NRXN2: variants seen among roughly 807,000 people sequenced by gnomAD.
NRXN2 encodes the protein neurexin-2-beta.
NRXN2 carries 29 observed loss-of-function variants against 128.8 expected under a neutral mutation model. That is an observed-to-expected ratio of 0.23 (90% CI 0.17 to 0.31). NRXN2 has a LOEUF of 0.31. Among genes scored for constraint, NRXN2 ranks in the 10% least tolerant of loss-of-function variants. The pLI, the probability that NRXN2 is intolerant of heterozygous loss-of-function variation, is 1.00. For missense variants in NRXN2, 1,881 were observed against 2,452.6 expected, an observed-to-expected ratio of 0.77 and a Z score of 4.92; for synonymous variants, 1,098 against 1,075.2, an observed-to-expected ratio of 1.02 and a Z score of -0.41.
intron 21 of NRXN2, among the ~76,000 whole-genome samples, chr11:64,621,035 A>C (rs900624783): frequency 6.6e-6 from 1 of 152,042 alleles, no homozygotes; most frequent in Non-Finnish European, 1.5e-5. Context: ...GAGGGAAATC[A>C]AAAGTCCAGG....
At chr11:64,681,420 T>A (rs1230866053) in intron 6 of NRXN2, among the ~76,000 whole-genome samples, 1 of 152,032 alleles carries the variant, frequency 6.6e-6, no homozygotes, top group South Asian at 2.1e-4. Context: ...ACGGCTCAAA[T>A]ACACGTTTCC....
rs2047054955 is a variant in NRXN2, at chr11:64,648,664, CG to C, written c.3283+69del. On this transcript the variant is annotated intron_variant, in intron 16 of 22. Transcript: ENST00000265459. This position sits in a 1 kb window ranked among gnomAD's most constrained non-coding sequence, Gnocchi z 4.1. ...TTGGCAGAGCAAAGGCTACCTGCCC[CG>C]GTCTGCCTCTGCAGCTGGCCATCCT... The C allele has an allele frequency of 1.3e-6, 2 of 1,592,346 alleles. No homozygotes were observed. Among genetic ancestry groups the C allele is most frequent in the Non-Finnish European group, 8.6e-7 (1 of 1,162,088 alleles).
intron 1 of NRXN2, among the ~76,000 whole-genome samples, chr11:64,719,153 G>T (rs187157326): frequency 6.6e-6 from 1 of 151,912 alleles, no homozygotes; most frequent in African/African-American, 2.4e-5. Context: ...TTCTCATCTC[G>T]GCCTTTTACA....
rs1344255535 is a variant in NRXN2, at chr11:64,712,954, G to A, written c.730+16C>T. ...CCCCGCGCCCAGGCACCGGGCGGCC[G>A]CTCCCCGGGGCTCACCTTCGCTGCA... is the stretch of plus-strand genomic sequence containing the variant. On this transcript the variant is annotated intron_variant, in intron 2 of 22. Transcript: ENST00000265459. 1 of 1,500,724 alleles carries A rather than the reference G, an allele frequency of 6.7e-7. No homozygotes were observed. The highest frequency in any genetic ancestry group is 8.9e-7 in the Non-Finnish European group (1 of 1,129,484). 93.0% of individuals were successfully genotyped at this position (1,500,724 alleles called of 1,614,324 possible). A position where few individuals can be genotyped will look rare whatever the true frequency, so the allele number is the denominator to read the frequency against.
At chr11:64,661,955 GA>G (rs1206941655) in intron 9 of NRXN2, among the ~76,000 whole-genome samples, 1 of 152,096 alleles carries the variant, frequency 6.6e-6, no homozygotes, top group Non-Finnish European at 1.5e-5. Flanking sequence ...GAGTTCTTCA[GA>G]AGTAGAGGGT....
In NRXN2 at chr11:64,660,759, C is replaced by T. The variant is rs1203983258; in HGVS notation, c.2179G>A (p.Glu727Lys). Reference sequence around the variant, plus strand: ...GGATGAAGACCAGCCTCACCTCTCTCACAGACCCGCCCAAGAAAGCCGGTC... The same window carrying T: ...GGATGAAGACCAGCCTCACCTCTCTTACAGACCCGCCCAAGAAAGCCGGTC... Reference protein sequence around the residue: ...IGTGFLGRVCEREATVLSYDG... With the variant: ...IGTGFLGRVCKREATVLSYDG... The change falls in exon 10 of 23, where the codon GAG becomes AAG. Residue 727 changes from glutamate to lysine, a missense_variant. By Grantham distance (56) the Glu-to-Lys change is moderately conservative (BLOSUM62 1). Around this residue, in one of 7 missense-constraint regions of NRXN2, gnomAD observed 997 missense variants for 1,240.8 expected, o/e 0.80. Coordinates refer to ENST00000265459, the MANE Select transcript of NRXN2 (RefSeq NM_015080.4). This position sits in a 1 kb window ranked among gnomAD's most constrained non-coding sequence, Gnocchi z 5.2. 1 of 1,611,576 alleles carries T rather than the reference C, an allele frequency of 6.2e-7. No homozygotes were observed. The highest frequency in any genetic ancestry group is 8.5e-7 in the Non-Finnish European group (1 of 1,180,018).
At chr11:64,715,301 C>T (rs149174328) in intron 1 of NRXN2, among the ~76,000 whole-genome samples, 1 of 152,268 alleles carries the variant, frequency 6.6e-6, no homozygotes, top group Non-Finnish European at 1.5e-5. Flanking sequence ...GGGACTTGCC[C>T]AAGGTCACAC....
rs1278513123 is a variant in NRXN2 at position 64,620,641 on chromosome 11, C to T, written c.4174-269G>A. The stretch of plus-strand genomic sequence containing the variant: ...AGCACACATGGTGCTTTTTATTTCT[C>T]GGAAGTGAGGAGAGTGGACGCCAGA... On this transcript the variant is annotated intron_variant, in intron 21 of 22. Transcript: ENST00000265459. Among the ~76,000 whole-genome samples, 4 of 150,630 alleles carry T rather than the reference C, an allele frequency of 2.7e-5. No homozygotes were observed. In the East Asian group the frequency reaches 5.9e-4, roughly 22 times the overall value.
Position 64,648,691 on chromosome 11 carries a change from G to A in NRXN2, c.3283+43C>T. 1.9e-6 allele frequency: 3 copies of A among 1,610,922 alleles called. No homozygotes were observed. Among genetic ancestry groups the A allele is most frequent in the Non-Finnish European group, 2.5e-6 (3 of 1,178,708 alleles). Reference sequence around the variant, plus strand: ...GTCTGCCTCTGCAGCTGGCCATCCTGTAGCCAGTAGGGCCACACCTCACTC... The same window carrying A: ...GTCTGCCTCTGCAGCTGGCCATCCTATAGCCAGTAGGGCCACACCTCACTC... On this transcript the variant is annotated intron_variant, in intron 16 of 22. Transcript: ENST00000265459. The surrounding 1 kb of genome is among the most constrained non-coding windows in gnomAD (Gnocchi z 4.1).
At chr11:64,719,502 A>C (rs961686053) in intron 1 of NRXN2, among the ~76,000 whole-genome samples, 35 of 152,196 alleles carry the variant, frequency 2.3e-4, no homozygotes, top group Admixed American at 2.0e-3. Flanking sequence ...GTCGCCAAGC[A>C]GCTCTCTGTG....
intron 2 of NRXN2, among the ~76,000 whole-genome samples, chr11:64,698,117 C>T (rs749422305): frequency 5.9e-5 from 9 of 152,162 alleles, no homozygotes; most frequent in Non-Finnish European, 8.8e-5. Context: ...GAATCTGAGG[C>T]AGGGCCAGGA....
intron 3 of NRXN2, among the ~76,000 whole-genome samples, chr11:64,697,454 C>T (rs892089608): frequency 2.6e-5 from 4 of 152,178 alleles, no homozygotes. Flanking sequence ...TGTCTACCCA[C>T]TCACTTCTGG....
At chr11:64,615,856 G>A (rs56220326) in intron 22 of NRXN2, among the ~76,000 whole-genome samples, 7 of 79,410 alleles carry the variant, frequency 8.8e-5, no homozygotes, top group Admixed American at 1.4e-4. Context: ...GTGTGTGTGT[G>A]TGTGTGTGTG....
In NRXN2 at chr11:64,623,116, G is replaced by A; in HGVS notation, c.3848-38C>T. 6.4e-7 allele frequency: 1 copy of A among 1,570,338 alleles called. No individual in the cohort carries two copies. The highest frequency in any genetic ancestry group is 8.7e-7 in the Non-Finnish European group (1 of 1,155,214). ...GAAGGGGGTGACAGAGAAGGGGCAG[G>A]CAGTGAGGGGAGACCAGGAAGGGAA... On this transcript the variant is annotated intron_variant, in intron 20 of 22. Coordinates refer to ENST00000265459, the MANE Select transcript of NRXN2 (RefSeq NM_015080.4). The surrounding 1 kb of genome is among the most constrained non-coding windows in gnomAD (Gnocchi z 4.9).
chr11:64,677,645 G>C (rs2051536911), intron 6 of NRXN2, among the ~76,000 whole-genome samples: 1 of 152,196 alleles, frequency 6.6e-6, no homozygotes, highest in South Asian at 2.1e-4. Flanking sequence ...TTAAGAAGCA[G>C]ACCCAATTAT....
chr11:64,666,773 C>T (rs1219855910), intron 9 of NRXN2, among the ~76,000 whole-genome samples: 1 of 151,904 alleles, frequency 6.6e-6, no homozygotes, highest in Non-Finnish European at 1.5e-5. Context: ...CCGTGTTAGC[C>T]AGGATGGTCT....
At chr11:64,706,677 T>A (rs1451898155) in intron 2 of NRXN2, among the ~76,000 whole-genome samples, 1 of 152,182 alleles carries the variant, frequency 6.6e-6, no homozygotes, top group Admixed American at 6.5e-5. Context: ...TGGTGCCCTC[T>A]ACAGATATGA....
rs1196145390 is a variant in NRXN2 at position 64,607,988 on chromosome 11, G to A, written c.4347C>T (p.Phe1449=). The change falls in exon 23 of 23, where the codon TTC becomes TTT. Residue 1449 remains phenylalanine (F), a synonymous_variant. Transcript: ENST00000265459. The part of the protein sequence containing the change: ...RSPFVPPPPT[F]YPFLTGVGAT... ...CGCCCACTCCCGTGAGGAAGGGGTA[G>A]AAGGTAGGGGGCGGGGGCACGAAGG... is the stretch of plus-strand genomic sequence containing the variant. 1.4e-6 allele frequency: 2 copies of A among 1,443,844 alleles called. No individual in the cohort carries two copies. Among genetic ancestry groups the A allele is most frequent in the South Asian group, 1.2e-5 (1 of 83,382 alleles). 89.4% of individuals were successfully genotyped at this position (1,443,844 alleles called of 1,614,324 possible).
chr11:64,699,425 C>CTTTTTTTT lies in NRXN2; in HGVS notation c.731-1641_731-1634dup, dbSNP rs67776872. 2.1e-3 allele frequency among the ~76,000 whole-genome samples: 197 copies of CTTTTTTTT among 92,064 alleles called. 4 individuals are homozygous for CTTTTTTTT. Among genetic ancestry groups the CTTTTTTTT allele is most frequent in the East Asian group, 2.7e-3 (7 of 2,640 alleles). The allele number at this position is 92,064 out of a possible 152,430, so 60.4% of individuals were successfully genotyped here. A position where few individuals can be genotyped will look rare whatever the true frequency, so the allele number is the denominator to read the frequency against. On this transcript the variant is annotated intron_variant, in intron 2 of 22. Coordinates refer to ENST00000265459, the MANE Select transcript of NRXN2 (RefSeq NM_015080.4). ...TAAAAGATACATGTCTAATAGTTTT[C>CTTTTTTTT]TTTTTTTTTTTTTTTTTTTTTTGAG...
Sources: gnomAD v4.1 joint callset for allele counts (sites outside exome capture counted in the v4.1 genomes callset) on GRCh38, gnomAD v4.1.1 for gene constraint, gnomAD v4.1.1 regional missense constraint, Gnocchi (gnomAD v3.1) non-coding constraint, MANE v1.5 for transcripts, NCBI Gene and HGNC (gene_info 2026-07-23, HGNC 2026-07-21) for gene names.